Variants in OLA1 observed in about 807,000 individuals in gnomAD.
OLA1 encodes Obg like ATPase 1.
OLA1 carries 14 observed loss-of-function variants against 48.4 expected under a neutral mutation model. The ratio of observed to expected loss-of-function variants is 0.29; its 90% confidence interval spans 0.19 to 0.45. The LOEUF (loss-of-function observed/expected upper bound fraction) is 0.45, where lower values mean the gene tolerates loss of function less well. Ranked by LOEUF, OLA1 falls within the 20% of genes least tolerant of loss-of-function variation. The probability of loss-of-function intolerance (pLI) is 1.00; values close to 1 mark genes in which losing one functional copy is unlikely to be tolerated. For synonymous variants in OLA1, 127 were observed against 150.4 expected (o/e 0.84, Z 1.14); for missense variants, 325 against 467.1 (o/e 0.70, Z 2.80).
At chr2:174,118,915 G>A (rs930998445) in intron 7 of OLA1, among the ~76,000 whole-genome samples, 16 of 152,036 alleles carry the variant, frequency 1.1e-4, no homozygotes, top group African/African-American at 3.9e-4. Flanking sequence ...AAGTGCTTTC[G>A]TATATAATTA....
In OLA1 at chr2:174,211,671, T is replaced by A. The variant is rs73037844; in HGVS notation, c.373+11362A>T. 4.3e-3 allele frequency among the ~76,000 whole-genome samples: 653 copies of A among 152,322 alleles called. 2 individuals are homozygous for A. The highest frequency in any genetic ancestry group is 0.015 in the African/African-American group (621 of 41,578). On this transcript the variant is annotated intron_variant, in intron 4 of 10. Coordinates refer to ENST00000284719, the MANE Select transcript of OLA1 (RefSeq NM_013341.5). ...CATTTCTCCCTCCACCCCAGTTCTA[T>A]TTTTCAGAAATCTATCAATAGTATA... is the stretch of plus-strand genomic sequence containing the variant.
chr2:174,232,055 T>A (rs551448067), intron 2 of OLA1, among the ~76,000 whole-genome samples: 1 of 152,256 alleles, frequency 6.6e-6, no homozygotes, highest in East Asian at 1.9e-4. Flanking sequence ...ATTTCTCTCA[T>A]GCAAGAATGG....
chr2:174,226,198 CAAAAAAAAA>C (rs532536178), intron 3 of OLA1, among the ~76,000 whole-genome samples: 1 of 83,588 alleles, frequency 1.2e-5, no homozygotes, highest in Admixed American at 1.3e-4. Flanking sequence ...GACTCCGTCT[CAAAAAAAAA>C]AAAAAAAAAA....
intron 2 of OLA1, chr2:174,240,271 T>C (rs1688965733): frequency 1.3e-5 from 2 of 152,154 alleles, no homozygotes; most frequent in African/African-American, 4.8e-5. Context: ...GACAACCTAG[T>C]GATCCTCCAC....
At chr2:174,158,147 A>T (rs932020775) in intron 4 of OLA1, among the ~76,000 whole-genome samples, 3 of 152,178 alleles carry the variant, frequency 2.0e-5, no homozygotes, top group African/African-American at 7.2e-5. Context: ...AGTCTACAAG[A>T]TCTAGTCCTC....
chr2:174,097,677 A>G (rs1685287917), intron 7 of OLA1, among the ~76,000 whole-genome samples: 1 of 151,784 alleles, frequency 6.6e-6, no homozygotes, highest in Non-Finnish European at 1.5e-5. Context: ...CAGAGCTGAG[A>G]TCACGCCATT....
intron 3 of OLA1, among the ~76,000 whole-genome samples, chr2:174,228,583 A>G (rs925416683): frequency 6.6e-6 from 1 of 152,160 alleles, no homozygotes; most frequent in African/African-American, 2.4e-5. Context: ...TTCCTAATAA[A>G]ACAGTTTTAC....
chr2:174,170,911 A>C (rs1445902199), intron 4 of OLA1, among the ~76,000 whole-genome samples: 4 of 152,214 alleles, frequency 2.6e-5, no homozygotes, highest in Non-Finnish European at 4.4e-5. Flanking sequence ...CCAAGCAAAC[A>C]AACAAACACG....
intron 4 of OLA1, among the ~76,000 whole-genome samples, chr2:174,167,495 G>C (rs761648169): frequency 3.3e-5 from 5 of 152,222 alleles, no homozygotes; most frequent in Non-Finnish European, 5.9e-5. Context: ...AGAATCGCTT[G>C]AACCTGTGAG....
chr2:174,093,463 C>A (rs1161189592), intron 7 of OLA1, among the ~76,000 whole-genome samples: 1 of 111,296 alleles, frequency 9.0e-6, no homozygotes. Flanking sequence ...AAGAAGACCT[C>A]TTCTCAAAAA....
intron 2 of OLA1, among the ~76,000 whole-genome samples, chr2:174,246,267 T>C (rs1048273610): frequency 4.0e-5 from 6 of 150,314 alleles, no homozygotes; most frequent in Non-Finnish European, 8.9e-5. Flanking sequence ...GCCACTGCAT[T>C]CCAGCCTGGG....
rs897099949 is a variant in OLA1, at chr2:174,161,689, C to T, written c.374-19689G>A. Among the ~76,000 whole-genome samples, 7 of 142,068 alleles carry T rather than the reference C, an allele frequency of 4.9e-5. No individual in the cohort carries two copies. In the South Asian group the frequency reaches 6.5e-4, roughly 13 times the overall value. The allele number at this position is 142,068 out of a possible 152,430, so 93.2% of individuals were successfully genotyped here. On this transcript the variant is annotated intron_variant, in intron 4 of 10. Transcript: ENST00000284719. Reference sequence around the variant, plus strand: ...CTTTAAAAAAAAAAAAATACACACACACACACACACACACACACACACACA... The same window carrying T: ...CTTTAAAAAAAAAAAAATACACACATACACACACACACACACACACACACA...
rs562443589 is a variant in OLA1, at chr2:174,156,326, A to C, written c.374-14326T>G. On this transcript the variant is annotated intron_variant, in intron 4 of 10. Coordinates refer to ENST00000284719, the MANE Select transcript of OLA1 (RefSeq NM_013341.5). The stretch of plus-strand genomic sequence containing the variant: ...ACGCACACAAGCACCCCAGCTATAA[A>C]GATAAAAAATCTCCAGACATTGCCA... Among the ~76,000 whole-genome samples, 16 of 152,258 alleles carry C rather than the reference A, an allele frequency of 1.1e-4. No individual in the cohort carries two copies. The East Asian group carries it at 3.1e-3, about 29-fold the overall frequency.
chr2:174,170,611 G>C (rs1418152520), intron 4 of OLA1, among the ~76,000 whole-genome samples: 1 of 152,096 alleles, frequency 6.6e-6, no homozygotes, highest in Non-Finnish European at 1.5e-5. Context: ...TTAATATAAA[G>C]ACATGGCAAG....
At position 174,076,747 on chromosome 2, in the gene OLA1, ATG is replaced by A. The variant is rs1291338337; in HGVS notation, c.1090-1222_1090-1221del. Among the ~76,000 whole-genome samples, 27 of 150,910 alleles carry A rather than the reference ATG, an allele frequency of 1.8e-4. No individual in the cohort carries two copies. The East Asian group carries it at 2.5e-3, about 14-fold the overall frequency. On this transcript the variant is annotated intron_variant, in intron 10 of 10. Transcript: ENST00000284719. ...TAACGTACCCTACAATTAAAGGCAT[ATG>A]TGTGTGTGTGTATACATATATATTT...
chr2:174,132,402 A>T (rs1361450687), intron 5 of OLA1, among the ~76,000 whole-genome samples: 1 of 151,476 alleles, frequency 6.6e-6, no homozygotes, highest in Non-Finnish European at 1.5e-5. Context: ...GGTTCCTTTT[A>T]TTGTTCTTTT....
intron 7 of OLA1, among the ~76,000 whole-genome samples, chr2:174,101,672 T>C (rs1325980978): frequency 6.6e-6 from 1 of 152,174 alleles, no homozygotes; most frequent in African/African-American, 2.4e-5. Flanking sequence ...CAGAATGCCC[T>C]GCATAGGAAA....
At chr2:174,206,840 TG>T (rs1053542065) in intron 4 of OLA1, among the ~76,000 whole-genome samples, 6 of 152,164 alleles carry the variant, frequency 3.9e-5, no homozygotes, top group Non-Finnish European at 5.9e-5. Context: ...AGAAAACATA[TG>T]GTTTTTGGTC....
chr2:174,243,473 G>A (rs758010172), intron 2 of OLA1, among the ~76,000 whole-genome samples: 13 of 152,106 alleles, frequency 8.5e-5, no homozygotes, highest in East Asian at 1.9e-4. Flanking sequence ...ACATCCAGCC[G>A]TCAAAGGGGA....
Sources: gnomAD v4.1 joint callset for allele counts (sites outside exome capture counted in the v4.1 genomes callset) on GRCh38, gnomAD v4.1.1 for gene constraint, MANE v1.5 for transcripts, NCBI Gene and HGNC (gene_info 2026-07-23, HGNC 2026-07-21) for gene names.